Variants in PPFIA2 observed in about 807,000 individuals in gnomAD.
PPFIA2 encodes liprin-alpha-2.
In PPFIA2, 46 loss-of-function variants were observed where a neutral mutation model predicts 175.5. That is an observed-to-expected ratio of 0.26 (90% CI 0.21 to 0.34). PPFIA2 has a LOEUF of 0.34. Among genes scored for constraint, PPFIA2 ranks in the 10% least tolerant of loss-of-function variants. The probability of loss-of-function intolerance (pLI) is 1.00; values close to 1 mark genes in which losing one functional copy is unlikely to be tolerated. For synonymous variants in PPFIA2, 568 were observed against 511.4 expected, an observed-to-expected ratio of 1.11 and a Z score of -1.49; for missense variants, 1,179 against 1,506.1, an observed-to-expected ratio of 0.78 and a Z score of 3.60.
intron 4 of PPFIA2, among the ~76,000 whole-genome samples, chr12:81,605,032 T>C (rs554600466): frequency 6.6e-6 from 1 of 151,806 alleles, no homozygotes; most frequent in East Asian, 1.9e-4. Flanking sequence ...TGTTATCAGC[T>C]TGGTGTTAAT....
intron 4 of PPFIA2, among the ~76,000 whole-genome samples, chr12:81,648,459 TA>T (rs2066501351): frequency 6.6e-6 from 1 of 152,008 alleles, no homozygotes; most frequent in African/African-American, 2.4e-5. Context: ...AAATGGAAAT[TA>T]AAATATTAAA....
intron 4 of PPFIA2, among the ~76,000 whole-genome samples, chr12:81,538,673 A>T (rs994504594): frequency 6.6e-6 from 1 of 151,888 alleles, no homozygotes; most frequent in African/African-American, 2.4e-5. Context: ...CAGCAAATAC[A>T]AGGGCCCTCA....
chr12:81,562,717 G>T (rs1003845675), intron 4 of PPFIA2, among the ~76,000 whole-genome samples: 1 of 149,454 alleles, frequency 6.7e-6, no homozygotes, highest in African/African-American at 2.4e-5. Context: ...CGTAGTGGCG[G>T]GCGCCTGTAG....
At chr12:81,449,817 G>GT (rs1441743456) in intron 5 of PPFIA2, among the ~76,000 whole-genome samples, 27 of 137,636 alleles carry the variant, frequency 2.0e-4, no homozygotes, top group Admixed American at 5.8e-4. Context: ...AGGCCCTGGT[G>GT]TGTGATGTTC....
At position 81,630,900 on chromosome 12, in the gene PPFIA2, T is replaced by TATA. The variant is rs1491466516; in HGVS notation, c.303+45890_303+45891insTAT. Among the ~76,000 whole-genome samples, 193 of 40,608 alleles carry TATA rather than the reference T, an allele frequency of 4.8e-3. 1 individual carries two copies. The East Asian group carries it at 0.061, about 13-fold the overall frequency. 26.6% of individuals were successfully genotyped at this position (40,608 alleles called of 152,430 possible). Reference sequence around the variant, plus strand: ...GAAAGGCTATATATATATATATATATTTTTTTTTTTTTTCCAGACAGAGTC... The same window carrying TATA: ...GAAAGGCTATATATATATATATATATATATTTTTTTTTTTTTCCAGACAGAGTC... On this transcript the variant is annotated intron_variant, in intron 4 of 32. Transcript: ENST00000549396.
At chr12:81,430,577 C>T (rs749937059) in intron 7 of PPFIA2, 5 of 151,586 alleles carry the variant, frequency 3.3e-5, no homozygotes, top group African/African-American at 7.3e-5. Context: ...TGCTATCTCA[C>T]TACTTCTATC....
chr12:81,582,075 C>T (rs2074502303), intron 4 of PPFIA2, among the ~76,000 whole-genome samples: 1 of 151,744 alleles, frequency 6.6e-6, no homozygotes, highest in South Asian at 2.1e-4. Context: ...CTAGAAAATC[C>T]CCAATATCGA....
chr12:81,556,524 T>C (rs770037103), intron 4 of PPFIA2, among the ~76,000 whole-genome samples: 5 of 151,962 alleles, frequency 3.3e-5, no homozygotes, highest in Admixed American at 6.6e-5. Flanking sequence ...CTTAATAGGC[T>C]ATCTTACAAG....
intron 24 of PPFIA2, chr12:81,294,506 G>A: frequency 5.4e-6 from 1 of 186,668 alleles, no homozygotes; most frequent in Non-Finnish European, 1.0e-5. Context: ...AGGAAGGGAG[G>A]GAGGAAGGGA....
chr12:81,563,028 T>C (rs982113991), intron 4 of PPFIA2, among the ~76,000 whole-genome samples: 1 of 152,106 alleles, frequency 6.6e-6, no homozygotes, highest in African/African-American at 2.4e-5. Context: ...TAAACAGAGA[T>C]GTCATGGCCC....
intron 8 of PPFIA2, among the ~76,000 whole-genome samples, chr12:81,390,631 TTTA>T (rs1270162372): frequency 2.0e-5 from 3 of 152,004 alleles, no homozygotes; most frequent in African/African-American, 4.8e-5. Context: ...TACATGTATT[TTTA>T]TTGTTGATTT....
At chr12:81,745,143 A>G (rs1209631877) in intron 3 of PPFIA2, among the ~76,000 whole-genome samples, 2 of 152,336 alleles carry the variant, frequency 1.3e-5, no homozygotes, top group Non-Finnish European at 1.5e-5. Context: ...TAAATTAATT[A>G]TCTTTTGTTT....
intron 9 of PPFIA2, among the ~76,000 whole-genome samples, chr12:81,381,593 C>T (rs78053202): frequency 6.0e-4 from 91 of 152,116 alleles, no homozygotes; most frequent in African/African-American, 2.0e-3. Context: ...GATTTGATAG[C>T]CAGAAATCCT....
chr12:81,597,317 G>C (rs979789000), intron 4 of PPFIA2, among the ~76,000 whole-genome samples: 1 of 151,952 alleles, frequency 6.6e-6, no homozygotes, highest in Non-Finnish European at 1.5e-5. Flanking sequence ...CATTTAGTAG[G>C]TAACAGCTTT....
chr12:81,632,674 G>A (rs965150506), intron 4 of PPFIA2, among the ~76,000 whole-genome samples: 3 of 150,994 alleles, frequency 2.0e-5, no homozygotes, highest in African/African-American at 7.2e-5. Context: ...TACACAATAT[G>A]TTTAATTTCT....
chr12:81,731,422 A>G (rs2153640168), intron 3 of PPFIA2, among the ~76,000 whole-genome samples: 1 of 151,760 alleles, frequency 6.6e-6, no homozygotes, highest in Non-Finnish European at 1.5e-5. Flanking sequence ...AAAAATAAAG[A>G]TTTGAGACAC....
intron 27 of PPFIA2, 105 bp downstream of exon 27, chr12:81,281,150 CAT>C (rs1396027414): frequency 1.2e-6 from 1 of 841,092 alleles, no homozygotes; most frequent in African/African-American, 1.7e-5. Flanking sequence ...TTTCAAATGA[CAT>C]ATATTTTCTG....
At chr12:81,725,038 G>C (rs968314615) in intron 3 of PPFIA2, among the ~76,000 whole-genome samples, 5 of 150,884 alleles carry the variant, frequency 3.3e-5, no homozygotes, top group Non-Finnish European at 7.4e-5. Context: ...GTTTAAGGTG[G>C]TATCTCATTG....
chr12:81,548,286 G>T (rs889792812), intron 4 of PPFIA2, among the ~76,000 whole-genome samples: 1 of 152,092 alleles, frequency 6.6e-6, no homozygotes, highest in African/African-American at 2.4e-5. Flanking sequence ...AATACACGGG[G>T]AATGTTCGAT....
Sources: gnomAD v4.1 joint callset for allele counts (sites outside exome capture counted in the v4.1 genomes callset) on GRCh38, gnomAD v4.1.1 for gene constraint, MANE v1.5 for transcripts, NCBI Gene and HGNC (gene_info 2026-07-23, HGNC 2026-07-21) for gene names.